MAP6: variants seen among roughly 807,000 people sequenced by gnomAD.
MAP6 encodes the protein microtubule associated protein 6, also known as microtubule-associated protein 6.
MAP6 carries 26 observed loss-of-function variants against 42.4 expected under a neutral mutation model. The ratio of observed to expected loss-of-function variants is 0.61; its 90% CI spans 0.45 to 0.85. The LOEUF (loss-of-function observed/expected upper bound fraction) is 0.85, where lower values mean the gene tolerates loss of function less well. Ranked by LOEUF, MAP6 falls within the 40% of genes least tolerant of loss-of-function variation. The pLI is 0.00. For synonymous variants in MAP6, 418 were observed against 443.8 expected, an observed-to-expected ratio of 0.94 and a Z score of 0.73; for missense variants, 966 against 1,099.0, an observed-to-expected ratio of 0.88 and a Z score of 1.71.
intron 1 of MAP6, chr11:75,642,817 C>A: frequency 4.5e-6 from 2 of 442,100 alleles, no homozygotes; most frequent in South Asian, 1.7e-5. Context: ...ATTGTCACCG[C>A]AGACCTAGGC....
chr11:75,616,975 A>G lies in MAP6; in HGVS notation c.906-8653T>C, dbSNP rs140982389. Among the ~76,000 whole-genome samples, 11 of 152,354 alleles carry G rather than the reference A, an allele frequency of 7.2e-5. No individual in the cohort carries two copies. In the East Asian group the frequency reaches 2.1e-3, roughly 29 times the overall value. On this transcript the variant is annotated intron_variant, in intron 1 of 3. Coordinates refer to ENST00000304771, the MANE Select transcript of MAP6 (RefSeq NM_033063.2). ...GCTAATGTGAGTAGATAATTAATAG[A>G]AAAGAATGCTCCCTCTCTCTTACAT... is the stretch of plus-strand genomic sequence containing the variant.
chr11:75,665,764 C>T (rs1230308032), intron 1 of MAP6, among the ~76,000 whole-genome samples: 1 of 152,092 alleles, frequency 6.6e-6, no homozygotes, highest in Non-Finnish European at 1.5e-5. Flanking sequence ...AACATTCTAC[C>T]ATCTCATGGC....
chr11:75,601,315 T>G (rs1296007026), intron 3 of MAP6, among the ~76,000 whole-genome samples: 1 of 152,158 alleles, frequency 6.6e-6, no homozygotes, highest in Admixed American at 6.5e-5. Context: ...TCTTACCACC[T>G]CTCTCAATCC....
chr11:75,617,130 C>A (rs528383860), intron 1 of MAP6, among the ~76,000 whole-genome samples: 4 of 152,270 alleles, frequency 2.6e-5, no homozygotes, highest in Middle Eastern at 3.4e-3. Context: ...AGCTTAGAGG[C>A]CCTTGTGCAT....
chr11:75,619,674 A>G (rs1943073910), intron 1 of MAP6, among the ~76,000 whole-genome samples: 1 of 152,238 alleles, frequency 6.6e-6, no homozygotes, highest in African/African-American at 2.4e-5. Context: ...ATGTCCCTGC[A>G]AAGGACATAA....
chr11:75,608,383 G>T, intron 1 of MAP6, 61 bp from the exon 2 acceptor site: 1 of 1,366,294 alleles, frequency 7.3e-7, no homozygotes, highest in South Asian at 1.2e-5. Context: ...CAGAGCTCCT[G>T]ACACAGGGCT....
At chr11:75,621,461 T>A (rs1274330782) in intron 1 of MAP6, among the ~76,000 whole-genome samples, 1 of 152,028 alleles carries the variant, frequency 6.6e-6, no homozygotes, top group Admixed American at 6.6e-5. Flanking sequence ...CCCCCTAAGA[T>A]CAGGAACAAA....
At chr11:75,624,495 G>A (rs1943163390) in intron 1 of MAP6, among the ~76,000 whole-genome samples, 1 of 152,114 alleles carries the variant, frequency 6.6e-6, no homozygotes, top group East Asian at 1.9e-4. Flanking sequence ...TCCCTGAAGT[G>A]TCATGGCCAG....
chr11:75,627,043 T>C (rs1590783698), intron 1 of MAP6, among the ~76,000 whole-genome samples: 1 of 152,374 alleles, frequency 6.6e-6, no homozygotes, highest in East Asian at 1.9e-4. Flanking sequence ...ACTGTCCTAT[T>C]ACTTATGTTT....
chr11:75,615,269 A>C (rs1483176434), intron 1 of MAP6, among the ~76,000 whole-genome samples: 1 of 152,220 alleles, frequency 6.6e-6, no homozygotes, highest in African/African-American at 2.4e-5. Flanking sequence ...TGCTCTGAAC[A>C]CTGGTGAACT....
rs73488493 is a variant in MAP6, at chr11:75,662,646, G to A, written c.905+4819C>T. ...ATCTGCATTTCAGAAAGCTCTCCAGGTGATTCTTTTGTGTACTAAATTTTG... is the reference window on the plus strand; with the variant it reads ...ATCTGCATTTCAGAAAGCTCTCCAGATGATTCTTTTGTGTACTAAATTTTG... On this transcript the variant is annotated intron_variant, in intron 1 of 3. Coordinates refer to ENST00000304771, the MANE Select transcript of MAP6 (RefSeq NM_033063.2). 5.9e-3 allele frequency among the ~76,000 whole-genome samples: 898 copies of A among 152,280 alleles called. 10 individuals are homozygous for A. The highest frequency in any genetic ancestry group is 0.021 in the African/African-American group (863 of 41,570).
At position 75,586,953 on chromosome 11, in the gene MAP6, A is replaced by G. The variant is rs1051269459; in HGVS notation, c.*106T>C. 111 of 1,230,342 alleles carry G rather than the reference A, an allele frequency of 9.0e-5. No individual in the cohort carries two copies. Among genetic ancestry groups the G allele is most frequent in the Non-Finnish European group, 9.3e-5 (82 of 883,882 alleles). 76.2% of individuals were successfully genotyped at this position (1,230,342 alleles called of 1,614,324 possible). On this transcript the variant is annotated 3_prime_UTR_variant, in exon 4 of 4. Coordinates refer to ENST00000304771, the MANE Select transcript of MAP6 (RefSeq NM_033063.2). ...GGACCATTTTTATTAGATTCCAGCA[A>G]GACTACTGTACATGTTTCATGCAGA...
intron 1 of MAP6, among the ~76,000 whole-genome samples, chr11:75,632,012 C>A (rs1210133643): frequency 6.6e-6 from 1 of 152,214 alleles, no homozygotes; most frequent in Non-Finnish European, 1.5e-5. Context: ...TCAATTTAAT[C>A]AACGGAGAGT....
intron 1 of MAP6, among the ~76,000 whole-genome samples, chr11:75,658,043 C>T (rs376158328): frequency 1.3e-5 from 2 of 152,166 alleles, no homozygotes; most frequent in African/African-American, 2.4e-5. Flanking sequence ...TAATATTCTG[C>T]TGTATGAATA....
chr11:75,624,787 A>C (rs1943168391), intron 1 of MAP6, among the ~76,000 whole-genome samples: 1 of 152,202 alleles, frequency 6.6e-6, no homozygotes, highest in Non-Finnish European at 1.5e-5. Flanking sequence ...GCACGTCCCT[A>C]CCTGGCTCCA....
At chr11:75,618,279 A>C (rs962895362) in intron 1 of MAP6, among the ~76,000 whole-genome samples, 1 of 152,186 alleles carries the variant, frequency 6.6e-6, no homozygotes, top group Non-Finnish European at 1.5e-5. Context: ...AATATGCATG[A>C]AGTAGGCAAA....
chr11:75,654,341 T>G (rs1231723903), intron 1 of MAP6, among the ~76,000 whole-genome samples: 1 of 152,214 alleles, frequency 6.6e-6, no homozygotes, highest in Non-Finnish European at 1.5e-5. Context: ...AAGGAATTTA[T>G]AGTTCCTAAT....
intron 1 of MAP6, among the ~76,000 whole-genome samples, chr11:75,660,353 G>A (rs1175750417): frequency 2.0e-5 from 3 of 151,986 alleles, no homozygotes; most frequent in African/African-American, 4.8e-5. Context: ...TTACTCAACC[G>A]ACCCTCAAAC....
At chr11:75,631,508 C>G (rs1468692342) in intron 1 of MAP6, among the ~76,000 whole-genome samples, 2 of 152,122 alleles carry the variant, frequency 1.3e-5, no homozygotes, top group African/African-American at 4.8e-5. Flanking sequence ...TAACACAGGG[C>G]CAGCAGGAGA....
Sources: allele counts gnomAD v4.1 joint callset (sites outside exome capture counted in the v4.1 genomes callset), GRCh38; gene constraint gnomAD v4.1.1; transcripts MANE v1.5; gene names NCBI Gene and HGNC (gene_info 2026-07-23, HGNC 2026-07-21).